Variants in BANK1 observed in about 807,000 individuals in gnomAD.
The protein encoded by BANK1 is B-cell scaffold protein with ankyrin repeats.
Under a neutral mutation model 94.5 loss-of-function variants are expected in BANK1, and 95 were observed. The ratio of observed to expected loss-of-function variants is 1.00; its 90% confidence interval spans 0.85 to 1.19. BANK1 has a LOEUF of 1.19. Among genes scored for constraint, BANK1 ranks in the 50% most tolerant of loss-of-function variants. The probability of loss-of-function intolerance (pLI) is 0.00; values close to 1 mark genes in which losing one functional copy is unlikely to be tolerated. For synonymous variants in BANK1, 334 were observed against 308.4 expected (o/e 1.08, Z -0.87); for missense variants, 987 against 932.2 (o/e 1.06, Z -0.77).
chr4:101,855,270 G>A, intron 3 of BANK1, 81 bp downstream of exon 3: 1 of 1,365,196 alleles, frequency 7.3e-7, no homozygotes, highest in Admixed American at 2.1e-5. Flanking sequence ...GGAGAGACAG[G>A]GTCTCATTAG....
At chr4:102,011,300 G>T (rs756944378) in intron 7 of BANK1, among the ~76,000 whole-genome samples, 6 of 152,152 alleles carry the variant, frequency 3.9e-5, no homozygotes, top group Non-Finnish European at 7.4e-5. Context: ...CCCTGATTTC[G>T]ATTTGACCAG....
intron 1 of BANK1, among the ~76,000 whole-genome samples, chr4:101,792,455 GTGTGTGTGTGTGTGT>G: frequency 1.0e-5 from 1 of 98,468 alleles, no homozygotes; most frequent in South Asian, 4.8e-4. Flanking sequence ...GTGTGTGTGT[GTGTGTGTGTGTGTGT>G]TTTTTTTTTT....
intron 7 of BANK1, among the ~76,000 whole-genome samples, chr4:101,920,542 A>G (rs1202700041): frequency 1.3e-5 from 2 of 151,966 alleles, no homozygotes; most frequent in African/African-American, 4.8e-5. Context: ...TAAATCTAAG[A>G]TCCTCACAAA....
chr4:101,816,157 C>A (rs1725907867), intron 1 of BANK1, among the ~76,000 whole-genome samples: 1 of 152,118 alleles, frequency 6.6e-6, no homozygotes, highest in Non-Finnish European at 1.5e-5. Flanking sequence ...ATTTGTTGAT[C>A]ACCGATGTGG....
chr4:102,018,924 TCTC>T (rs1227453568), intron 7 of BANK1, among the ~76,000 whole-genome samples: 4 of 151,670 alleles, frequency 2.6e-5, no homozygotes, highest in Non-Finnish European at 5.9e-5. Flanking sequence ...CTCAAGCAAT[TCTC>T]CTGCCTCAGC....
chr4:101,909,656 A>T (rs1337555025), intron 6 of BANK1, among the ~76,000 whole-genome samples: 1 of 152,310 alleles, frequency 6.6e-6, no homozygotes, highest in East Asian at 1.9e-4. Context: ...TAGGGCCATT[A>T]TGAACATGTT....
At chr4:101,952,443 A>G (rs1724196815) in intron 7 of BANK1, among the ~76,000 whole-genome samples, 1 of 152,144 alleles carries the variant, frequency 6.6e-6, no homozygotes, top group Admixed American at 6.6e-5. Flanking sequence ...CATGCATGCA[A>G]TAGATTCTCT....
intron 1 of BANK1, among the ~76,000 whole-genome samples, chr4:101,793,151 A>G (rs1725052390): frequency 6.6e-6 from 1 of 152,180 alleles, no homozygotes; most frequent in South Asian, 2.1e-4. Context: ...GAAAGCATGA[A>G]AGGGTGGAAT....
chr4:101,815,824 CATAA>C (rs1725893241), intron 1 of BANK1, among the ~76,000 whole-genome samples: 1 of 151,982 alleles, frequency 6.6e-6, no homozygotes, highest in East Asian at 1.9e-4. Flanking sequence ...GTATAATCTA[CATAA>C]ATAAACTTCA....
chr4:101,960,342 A>C (rs1724525453), intron 7 of BANK1, among the ~76,000 whole-genome samples: 1 of 152,102 alleles, frequency 6.6e-6, no homozygotes, highest in African/African-American at 2.4e-5. Flanking sequence ...ACAAGTTAAA[A>C]ATTGATAACG....
At chr4:101,840,647 TTTAG>T (rs1363590800) in intron 2 of BANK1, among the ~76,000 whole-genome samples, 2 of 152,222 alleles carry the variant, frequency 1.3e-5, no homozygotes, top group African/African-American at 4.8e-5. Flanking sequence ...AAGGAATACT[TTTAG>T]TTAATCTATA....
intron 7 of BANK1, among the ~76,000 whole-genome samples, chr4:101,953,887 T>A (rs1724253678): frequency 6.6e-6 from 1 of 152,146 alleles, no homozygotes; most frequent in Non-Finnish European, 1.5e-5. Context: ...CCTTCTGTAT[T>A]TGTTTTCTAG....
intron 7 of BANK1, among the ~76,000 whole-genome samples, chr4:101,979,192 T>C (rs1725241540): frequency 6.6e-6 from 1 of 151,998 alleles, no homozygotes; most frequent in East Asian, 1.9e-4. Context: ...AATGTTCTAT[T>C]CTCTGAAAAG....
chr4:101,907,646 T>C (rs1042055313), intron 6 of BANK1, among the ~76,000 whole-genome samples: 1 of 152,116 alleles, frequency 6.6e-6, no homozygotes, highest in African/African-American at 2.4e-5. Context: ...GATTGTATAT[T>C]TAGAAAACCC....
At chr4:101,993,526 A>G (rs577412899) in intron 7 of BANK1, among the ~76,000 whole-genome samples, 5 of 152,302 alleles carry the variant, frequency 3.3e-5, no homozygotes, top group African/African-American at 9.6e-5. Flanking sequence ...TTTTAAATAC[A>G]TTGCCAAAGC....
At chr4:101,960,949 T>G (rs1724546119) in intron 7 of BANK1, among the ~76,000 whole-genome samples, 1 of 152,116 alleles carries the variant, frequency 6.6e-6, no homozygotes, top group Admixed American at 6.6e-5. Context: ...CACAAAAGCC[T>G]TTTTTTAAAA....
chr4:101,849,431 C>T (rs7441177), intron 2 of BANK1, among the ~76,000 whole-genome samples: 84,065 of 151,858 alleles, frequency 0.55, 24,729 homozygotes, highest in African/African-American at 0.76. Context: ...CCTGAATGCC[C>T]AATACATGTC....
intron 6 of BANK1, among the ~76,000 whole-genome samples, chr4:101,908,094 C>G (rs1401214982): frequency 6.6e-6 from 1 of 152,190 alleles, no homozygotes; most frequent in African/African-American, 2.4e-5. Context: ...GCCCGCATTG[C>G]CAAGTCAATC....
chr4:101,891,861 G>T (rs2148889710), intron 5 of BANK1, among the ~76,000 whole-genome samples: 1 of 151,968 alleles, frequency 6.6e-6, no homozygotes, highest in South Asian at 2.1e-4. Context: ...TTTATTTGCT[G>T]AGAATTTCTG....
Sources: gnomAD v4.1 joint callset for allele counts (sites outside exome capture counted in the v4.1 genomes callset) on GRCh38, gnomAD v4.1.1 for gene constraint, MANE v1.5 for transcripts, NCBI Gene and HGNC (gene_info 2026-07-23, HGNC 2026-07-21) for gene names.